Variants in ETV7 observed in about 807,000 individuals in gnomAD.
ETV7 encodes ETS variant transcription factor 7.
A neutral mutation model predicts 39.1 loss-of-function variants in ETV7; 43 were observed. The ratio of observed to expected loss-of-function variants is 1.10; its 90% CI spans 0.86 to 1.42. The LOEUF (loss-of-function observed/expected upper bound fraction) is 1.42. Among genes scored for constraint, ETV7 ranks in the 40% most tolerant of loss-of-function variants. The probability of loss-of-function intolerance (pLI) is 0.00; values close to 1 mark genes in which losing one functional copy is unlikely to be tolerated. For missense variants in ETV7, 432 were observed against 442.3 expected (o/e 0.98, Z 0.21); for synonymous variants, 196 against 176.6 (o/e 1.11, Z -0.87).
intron 3 of ETV7, among the ~76,000 whole-genome samples, chr6:36,375,448 C>G (rs952800373): frequency 6.6e-6 from 1 of 152,120 alleles, no homozygotes; most frequent in East Asian, 1.9e-4. Flanking sequence ...TGGTTAAAAT[C>G]AAAAGTCATA....
intron 7 of ETV7, among the ~76,000 whole-genome samples, chr6:36,356,229 GT>G (rs58415191): frequency 0.13 from 19,732 of 148,996 alleles, 1,575 homozygotes; most frequent in African/African-American, 0.23. Context: ...GAGCTCAGGA[GT>G]TTTGAGACCA....
chr6:36,357,800 C>T (rs1582157963), intron 7 of ETV7, among the ~76,000 whole-genome samples: 1 of 152,256 alleles, frequency 6.6e-6, no homozygotes, highest in East Asian at 1.9e-4. Context: ...ATCACTTGAA[C>T]CTGGTAGGTG....
chr6:36,371,284 A>C, intron 5 of ETV7, 46 bp downstream of exon 5: 1 of 1,520,056 alleles, frequency 6.6e-7, no homozygotes, highest in Non-Finnish European at 8.9e-7. Context: ...TCTGAGACTC[A>C]GACTCAGTGC....
chr6:36,367,303 C>T (rs1201030341), intron 6 of ETV7, among the ~76,000 whole-genome samples: 5 of 151,914 alleles, frequency 3.3e-5, no homozygotes, highest in Admixed American at 6.6e-5. Flanking sequence ...ATTAGCCAGG[C>T]GTGATGGTGC....
At chr6:36,377,306 A>C (rs753888038) in intron 2 of ETV7, among the ~76,000 whole-genome samples, 1 of 152,146 alleles carries the variant, frequency 6.6e-6, no homozygotes, top group Non-Finnish European at 1.5e-5. Flanking sequence ...CCAAAAATAC[A>C]AAAAAGAAAA....
chr6:36,355,078 C>G (rs539871057), intron 7 of ETV7, among the ~76,000 whole-genome samples: 24 of 152,240 alleles, frequency 1.6e-4, no homozygotes, highest in South Asian at 1.0e-3. Flanking sequence ...TATCTATGAA[C>G]AGAGATAGTT....
At chr6:36,377,079 G>T (rs187722155) in intron 2 of ETV7, among the ~76,000 whole-genome samples, 1 of 152,186 alleles carries the variant, frequency 6.6e-6, no homozygotes, top group Non-Finnish European at 1.5e-5. Flanking sequence ...GGACTGCTAC[G>T]CTCCTAATGC....
chr6:36,376,792 A>G (rs922041281), intron 2 of ETV7, among the ~76,000 whole-genome samples: 1 of 151,886 alleles, frequency 6.6e-6, no homozygotes, highest in Non-Finnish European at 1.5e-5. Context: ...AAAAAAAAAA[A>G]AAAAGGAAGG....
chr6:36,363,064 G>A (rs1469395414), downstream of ETV7, among the ~76,000 whole-genome samples: 7 of 152,062 alleles, frequency 4.6e-5, no homozygotes, highest in Non-Finnish European at 8.8e-5. Context: ...TGTAAAATGA[G>A]GGCCTGGATA....
chr6:36,385,062 G>C (rs1773827943), intron 2 of ETV7, among the ~76,000 whole-genome samples: 1 of 152,136 alleles, frequency 6.6e-6, no homozygotes, highest in South Asian at 2.1e-4. Context: ...GCCAGACACA[G>C]TGGCTCATGC....
At chr6:36,386,246 T>C (rs1773890548) in intron 1 of ETV7, among the ~76,000 whole-genome samples, 1 of 152,126 alleles carries the variant, frequency 6.6e-6, no homozygotes. Context: ...GAGAATCACT[T>C]GAACCCGGGA....
Position 36,387,566 on chromosome 6 carries a change from C to T in ETV7, c.-25G>A, listed in dbSNP as rs1198805114. 6.2e-7 allele frequency: 1 copy of T among 1,613,804 alleles called. No individual in the cohort carries two copies. Among genetic ancestry groups the T allele is most frequent in the Non-Finnish European group, 8.5e-7 (1 of 1,179,956 alleles). On this transcript the variant is annotated 5_prime_UTR_variant, in exon 1 of 8. Transcript: ENST00000340181. The stretch of plus-strand genomic sequence containing the variant: ...TTACAGGTGGAGGTGAGGAAGCCAC[C>T]GGCTTTCTGTCTTGAGCGCTCCCCT...
intron 1 of ETV7, chr6:36,386,727 C>G (rs1238390735): frequency 6.6e-6 from 1 of 152,286 alleles, no homozygotes; most frequent in Non-Finnish European, 1.5e-5. Context: ...GGGGATTCAA[C>G]ACCTTTCCGG....
intron 7 of ETV7, among the ~76,000 whole-genome samples, chr6:36,355,763 T>A (rs555284025): frequency 7.2e-5 from 11 of 152,336 alleles, no homozygotes; most frequent in African/African-American, 2.6e-4. Flanking sequence ...CATATCTAAA[T>A]ATCAGGCCTT....
chr6:36,379,018 C>T (rs538605474), intron 2 of ETV7, among the ~76,000 whole-genome samples: 124 of 152,236 alleles, frequency 8.1e-4, no homozygotes, highest in Admixed American at 1.8e-3. Context: ...AATTTAGAGC[C>T]GCGATGGGAG....
rs1157044714 is a variant in ETV7 at position 36,366,426 on chromosome 6, A to T, written c.*219T>A. ...AGTAGGGGAGAGTCCATTCCCCTGTACCTCATTTAGCCCCAGGATTGCCCT... is the reference window on the plus strand; with the variant it reads ...AGTAGGGGAGAGTCCATTCCCCTGTTCCTCATTTAGCCCCAGGATTGCCCT... On this transcript the variant is annotated 3_prime_UTR_variant, in exon 8 of 8. Transcript: ENST00000340181. 2 of 1,409,544 alleles carry T rather than the reference A, an allele frequency of 1.4e-6. No individual in the cohort carries two copies. The highest frequency in any genetic ancestry group is 9.2e-7 in the Non-Finnish European group (1 of 1,083,578). The allele number at this position is 1,409,544 out of a possible 1,614,324, so 87.3% of individuals were successfully genotyped here.
At chr6:36,358,408 C>A (rs1772394592) in intron 7 of ETV7, among the ~76,000 whole-genome samples, 1 of 152,180 alleles carries the variant, frequency 6.6e-6, no homozygotes, top group Non-Finnish European at 1.5e-5. Context: ...CAATCAAGAC[C>A]CAGCTTGGTA....
At chr6:36,381,351 G>T (rs1046437986) in intron 2 of ETV7, among the ~76,000 whole-genome samples, 2 of 152,092 alleles carry the variant, frequency 1.3e-5, no homozygotes, top group Non-Finnish European at 2.9e-5. Flanking sequence ...ATTCACCTAT[G>T]GCCCAGTTTA....
chr6:36,359,958 C>T (rs974467818), intron 7 of ETV7, among the ~76,000 whole-genome samples: 4 of 151,866 alleles, frequency 2.6e-5, no homozygotes, highest in African/African-American at 9.7e-5. Context: ...GTGAGTGGCG[C>T]GATCTCGGCT....
Sources: allele counts gnomAD v4.1 joint callset (sites outside exome capture counted in the v4.1 genomes callset), GRCh38; gene constraint gnomAD v4.1.1; transcripts MANE v1.5; gene names NCBI Gene and HGNC (gene_info 2026-07-23, HGNC 2026-07-21).